Variants in ASAP1 observed in about 807,000 individuals in gnomAD.
The protein encoded by ASAP1 is arf-GAP with SH3 domain, ANK repeat and PH domain-containing protein 1.
ASAP1 carries 43 observed loss-of-function variants against 145.2 expected under a neutral mutation model. That is an observed-to-expected ratio of 0.30 (90% CI 0.23 to 0.38). ASAP1 has a LOEUF of 0.38. Among genes scored for constraint, ASAP1 ranks in the 10% least tolerant of loss-of-function variants. ASAP1 has a pLI of 1.00. For missense variants in ASAP1, 1,018 were observed against 1,355.3 expected (o/e 0.75, Z 3.91); for synonymous variants, 546 against 515.5 (o/e 1.06, Z -0.80).
chr8:130,436,967 T>C (rs1295229328), intron 1 of ASAP1, among the ~76,000 whole-genome samples: 4 of 151,682 alleles, frequency 2.6e-5, no homozygotes, highest in Non-Finnish European at 5.9e-5. Context: ...TAGCCAGGCG[T>C]GGTGGAACAT....
At position 130,397,041 on chromosome 8, in the gene ASAP1, C is replaced by T. The variant is rs575880862; in HGVS notation, c.59+4844G>A. On this transcript the variant is annotated intron_variant, in intron 2 of 29. Coordinates refer to ENST00000518721, the MANE Select transcript of ASAP1 (RefSeq NM_018482.4). Reference sequence around the variant, plus strand: ...GTGAATAAAGGAAACGGGTCTTGTTCTTTATTCCCTTGGACTTGAGTTTTC... The same window carrying T: ...GTGAATAAAGGAAACGGGTCTTGTTTTTTATTCCCTTGGACTTGAGTTTTC... 2.0e-5 allele frequency among the ~76,000 whole-genome samples: 3 copies of T among 152,312 alleles called. No homozygotes were observed. In the South Asian group the frequency reaches 6.2e-4, roughly 32 times the overall value.
chr8:130,310,657 T>A (rs1192405364), intron 3 of ASAP1, among the ~76,000 whole-genome samples: 3 of 151,462 alleles, frequency 2.0e-5, no homozygotes, highest in Admixed American at 2.0e-4. Flanking sequence ...ATTTATAGAG[T>A]CAATCACCAA....
At chr8:130,187,315 G>A (rs1052652366) in intron 6 of ASAP1, 30 bp from the exon 7 acceptor site, 1 of 1,562,814 alleles carries the variant, frequency 6.4e-7, no homozygotes, top group African/African-American at 1.4e-5. Context: ...GATTAAAATT[G>A]CAACTACTTT....
intron 4 of ASAP1, among the ~76,000 whole-genome samples, chr8:130,214,972 C>G (rs1386039349): frequency 2.6e-5 from 4 of 152,014 alleles, no homozygotes; most frequent in African/African-American, 9.7e-5. Context: ...ACAATCTCGG[C>G]TCACTGCACC....
chr8:130,319,240 A>C (rs922259099), intron 3 of ASAP1, among the ~76,000 whole-genome samples: 1 of 152,224 alleles, frequency 6.6e-6, no homozygotes, highest in African/African-American at 2.4e-5. Context: ...GCATTGGATC[A>C]CATAGCCAGA....
intron 3 of ASAP1, among the ~76,000 whole-genome samples, chr8:130,297,023 T>C (rs1045875355): frequency 1.5e-4 from 23 of 152,126 alleles, no homozygotes; most frequent in African/African-American, 5.3e-4. Context: ...TGAAATTTCA[T>C]TAAAAAACTG....
intron 2 of ASAP1, among the ~76,000 whole-genome samples, chr8:130,374,432 G>T (rs1392588380): frequency 3.3e-5 from 5 of 152,234 alleles, no homozygotes; most frequent in African/African-American, 1.2e-4. Flanking sequence ...CACCTTGGGA[G>T]TCCAAGGCAG....
At chr8:130,057,451 T>C (rs2097406614) in intron 29 of ASAP1, among the ~76,000 whole-genome samples, 2 of 150,008 alleles carry the variant, frequency 1.3e-5, no homozygotes, top group South Asian at 4.5e-4. Context: ...GCCCCATGGC[T>C]GTTTTTCTTT....
intron 3 of ASAP1, among the ~76,000 whole-genome samples, chr8:130,302,057 A>T (rs1586789270): frequency 6.6e-6 from 1 of 152,252 alleles, no homozygotes; most frequent in South Asian, 2.1e-4. Flanking sequence ...AGCATTCCAA[A>T]AGGAGAGAAA....
At chr8:130,102,568 G>C (rs536566426) in intron 24 of ASAP1, among the ~76,000 whole-genome samples, 57 of 152,116 alleles carry the variant, frequency 3.7e-4, no homozygotes, top group African/African-American at 1.3e-3. Flanking sequence ...TTTTTTTGTT[G>C]TGTCCTTGTC....
intron 3 of ASAP1, among the ~76,000 whole-genome samples, chr8:130,356,931 A>C (rs1433890446): frequency 6.6e-6 from 1 of 152,136 alleles, no homozygotes; most frequent in African/African-American, 2.4e-5. Flanking sequence ...TAAACCAGCC[A>C]CAGCATAACC....
chr8:130,087,362 A>G (rs2097495803), intron 25 of ASAP1, among the ~76,000 whole-genome samples: 1 of 152,190 alleles, frequency 6.6e-6, no homozygotes, highest in Non-Finnish European at 1.5e-5. Flanking sequence ...TCTATTAAAA[A>G]TACAAAAATC....
At chr8:130,311,972 A>G (rs1171595671) in intron 3 of ASAP1, among the ~76,000 whole-genome samples, 1 of 152,188 alleles carries the variant, frequency 6.6e-6, no homozygotes, top group Non-Finnish European at 1.5e-5. Flanking sequence ...ATCCGAATTC[A>G]GCCTAGAACA....
At chr8:130,219,584 G>A (rs764073224) in intron 4 of ASAP1, among the ~76,000 whole-genome samples, 11 of 152,192 alleles carry the variant, frequency 7.2e-5, no homozygotes, top group Non-Finnish European at 1.5e-4. Flanking sequence ...ATGCAGCTCT[G>A]TTTTAAGATC....
chr8:130,211,505 A>G (rs1459745402), intron 5 of ASAP1, among the ~76,000 whole-genome samples: 1 of 152,228 alleles, frequency 6.6e-6, no homozygotes, highest in African/African-American at 2.4e-5. Flanking sequence ...TTTTAAGACC[A>G]CTGCCCCAGA....
At chr8:130,118,361 T>C in intron 19 of ASAP1, 115 bp from the exon 20 acceptor site, 1 of 1,328,790 alleles carries the variant, frequency 7.5e-7, no homozygotes, top group Non-Finnish European at 1.0e-6. Context: ...CACTCTCATA[T>C]TCTCTTGATT....
chr8:130,060,812 T>C lies in ASAP1; in HGVS notation c.2959A>G (p.Lys987Glu), dbSNP rs1398027388. 3 of 1,613,414 alleles carry C rather than the reference T, an allele frequency of 1.9e-6. No homozygotes were observed. The Admixed American group carries it at 5.0e-5, about 27-fold the overall frequency. Residue 987 changes from lysine to glutamate, a missense_variant, in exon 28 of 30, where the codon AAG (lysine) becomes GAG (glutamate). Lys to Glu is a moderately conservative substitution (Grantham distance 56, BLOSUM62 1). Around this residue, in one of 9 missense-constraint regions of ASAP1, gnomAD observed 139 missense variants for 131.0 expected, o/e 1.06. Transcript: ENST00000518721. The part of the protein sequence containing the change: ...LSDLPPKPQM[K>E]DLPPKPQLGD... ...AGCTGTGGTTTGGGGGGCAGGTCCT[T>C]CATCTGTGGTTTGGGAGGTAAGTCT...
chr8:130,118,341 C>T, intron 19 of ASAP1, 95 bp from the exon 20 acceptor site: 1 of 1,350,238 alleles, frequency 7.4e-7, no homozygotes, highest in Non-Finnish European at 1.0e-6. Flanking sequence ...TTATAAGGAG[C>T]ACACCTCTTC....
At chr8:130,205,601 T>TC (rs1816168446) in intron 5 of ASAP1, among the ~76,000 whole-genome samples, 1 of 150,738 alleles carries the variant, frequency 6.6e-6, no homozygotes, top group Non-Finnish European at 1.5e-5. Context: ...CTTTTTTTTT[T>TC]TTTTTTTTAG....
Sources: allele counts gnomAD v4.1 joint callset (sites outside exome capture counted in the v4.1 genomes callset), GRCh38; gene constraint gnomAD v4.1.1; regional missense constraint gnomAD v4.1.1; transcripts MANE v1.5; gene names NCBI Gene and HGNC (gene_info 2026-07-23, HGNC 2026-07-21).